Variants in SERPINB7 observed in about 807,000 individuals in gnomAD.
The protein encoded by SERPINB7 is serpin family B member 7.
In SERPINB7, 31 loss-of-function variants were observed where a neutral mutation model predicts 37.4. That is an observed-to-expected ratio of 0.83 (90% CI 0.62 to 1.12). The LOEUF (loss-of-function observed/expected upper bound fraction) is 1.12, where lower values mean the gene tolerates loss of function less well. Among genes scored for constraint, SERPINB7 ranks in the 50% most tolerant of loss-of-function variants. The pLI, the probability that SERPINB7 is intolerant of heterozygous loss-of-function variation, is 0.00. For synonymous variants in SERPINB7, 163 were observed against 166.1 expected, an observed-to-expected ratio of 0.98 and a Z score of 0.14; for missense variants, 521 against 455.3, an observed-to-expected ratio of 1.14 and a Z score of -1.31.
intron 3 of SERPINB7, 102 bp from the exon 4 acceptor site, chr18:63,793,059 T>G: frequency 1.9e-6 from 1 of 521,434 alleles, no homozygotes; most frequent in Non-Finnish European, 3.3e-6. Flanking sequence ...TTTAAAAAAA[T>G]TCTTTTATGG....
At chr18:63,773,084 C>T (rs115324337), upstream of SERPINB7, among the ~76,000 whole-genome samples, 155 of 152,094 alleles carry the variant, frequency 1.0e-3, no homozygotes, top group African/African-American at 3.5e-3. Context: ...GTGTCCTGCC[C>T]ACAGTAAAAC....
chr18:63,804,817 C>A lies in SERPINB7; in HGVS notation c.*182C>A. On this transcript the variant is annotated 3_prime_UTR_variant, in exon 8 of 8. Coordinates refer to ENST00000398019, the MANE Select transcript of SERPINB7 (RefSeq NM_003784.4). ...AGACACCTGGTTGATTGTCCTGATC[C>A]CTGCTCTTAGCATTCTACCACCATG... is the stretch of plus-strand genomic sequence containing the variant. The A allele has an allele frequency of 1.7e-6, 1 of 593,932 alleles. No homozygotes were observed. Among genetic ancestry groups the A allele is most frequent in the Non-Finnish European group, 2.9e-6 (1 of 343,122 alleles). 36.8% of individuals were successfully genotyped at this position (593,932 alleles called of 1,614,324 possible).
At chr18:63,794,228 C>T (rs2049461388) in intron 4 of SERPINB7, among the ~76,000 whole-genome samples, 1 of 149,508 alleles carries the variant, frequency 6.7e-6, no homozygotes, top group South Asian at 2.1e-4. Flanking sequence ...GCCCAAAGTG[C>T]TGGGATTACA....
intron 1 of SERPINB7, among the ~76,000 whole-genome samples, chr18:63,780,429 C>T (rs1179317629): frequency 6.6e-6 from 1 of 152,060 alleles, no homozygotes; most frequent in East Asian, 1.9e-4. Context: ...AATTGAATCC[C>T]TTAAACATTT....
At chr18:63,786,768 T>A (rs1050514637) in intron 2 of SERPINB7, among the ~76,000 whole-genome samples, 2 of 152,062 alleles carry the variant, frequency 1.3e-5, no homozygotes, top group African/African-American at 4.8e-5. Flanking sequence ...TGAGGGAACA[T>A]GAAAGTATAG....
At chr18:63,755,220 G>A (rs2049115255) in intron 1 of SERPINB7, among the ~76,000 whole-genome samples, 1 of 151,400 alleles carries the variant, frequency 6.6e-6, no homozygotes, top group South Asian at 2.1e-4. Context: ...GAGGTCTTAA[G>A]TTGAGGTGGT....
rs778546528 is a variant in SERPINB7 at position 63,800,894 on chromosome 18, A to G, written c.626A>G (p.His209Arg). Residue 209 changes from histidine (H) to arginine (R), a missense_variant, in exon 7 of 8, where the codon CAT (histidine) becomes CGT (arginine). By Grantham distance (29) the His-to-Arg change is conservative (BLOSUM62 0). Coordinates refer to ENST00000398019, the MANE Select transcript of SERPINB7 (RefSeq NM_003784.4). ...TCTGGGAAGGCAGTCGCCATGATGC[A>G]TCAGGAACGGAAGTTCAATTTGTCT... Reference protein sequence around the residue: ...KCSGKAVAMMHQERKFNLSVI... With the variant: ...KCSGKAVAMMRQERKFNLSVI... 7 of 1,613,832 alleles carry G rather than the reference A, an allele frequency of 4.3e-6. No individual in the cohort carries two copies. The highest frequency in any genetic ancestry group is 5.9e-6 in the Non-Finnish European group (7 of 1,179,880).
chr18:63,771,936 C>T (rs748300677), upstream of SERPINB7, among the ~76,000 whole-genome samples: 1 of 151,222 alleles, frequency 6.6e-6, no homozygotes, highest in Non-Finnish European at 1.5e-5. Flanking sequence ...ATCATAGGCA[C>T]CCTAGGATCT....
rs1200340375 is a variant in SERPINB7, at chr18:63,783,186, AAGAGAGAGAGAGAGAG to A, written c.168+680_168+695del. Among the ~76,000 whole-genome samples, 132 of 75,306 alleles carry A rather than the reference AAGAGAGAGAGAGAGAG, an allele frequency of 1.8e-3. 3 individuals carry two copies. The highest frequency in any genetic ancestry group is 6.4e-3 in the South Asian group (13 of 2,036). The allele number at this position is 75,306 out of a possible 152,430, so 49.4% of individuals were successfully genotyped here. A position where few individuals can be genotyped will look rare whatever the true frequency, so the allele number is the denominator to read the frequency against. On this transcript the variant is annotated intron_variant, in intron 2 of 7. Transcript: ENST00000398019. ...CAAAAAGAAAATAAAGAAAGAAAGA[AAGAGAGAGAGAGAGAG>A]AGAGAGAGAGAGAGAGAGAGAGAGA...
At chr18:63,784,339 T>C (rs1344807610) in intron 2 of SERPINB7, among the ~76,000 whole-genome samples, 1 of 152,194 alleles carries the variant, frequency 6.6e-6, no homozygotes, top group Non-Finnish European at 1.5e-5. Flanking sequence ...CATCAACAAC[T>C]ACCCGCAGCA....
chr18:63,799,658 CCTGT>C (rs1240286894), intron 6 of SERPINB7, among the ~76,000 whole-genome samples: 1 of 152,138 alleles, frequency 6.6e-6, no homozygotes, highest in Non-Finnish European at 1.5e-5. Flanking sequence ...AGTGAGACAT[CCTGT>C]CTATCACATC....
rs544779317 is a variant in SERPINB7, at chr18:63,765,023, A to G, written c.-19+11903A>G. ...ATTATCAACAGAAATTTAAAAGACC[A>G]TAAACAAATTGCAGAATTTGTTTAT... is the stretch of plus-strand genomic sequence containing the variant. On this transcript the variant is annotated intron_variant, in intron 1 of 7. Transcript: ENST00000336429. Among the ~76,000 whole-genome samples, 597 of 152,298 alleles carry G rather than the reference A, an allele frequency of 3.9e-3. 3 individuals carry two copies. The highest frequency in any genetic ancestry group is 0.014 in the African/African-American group (571 of 41,570).
At chr18:63,802,814 A>G (rs924454827) in intron 7 of SERPINB7, among the ~76,000 whole-genome samples, 2 of 152,248 alleles carry the variant, frequency 1.3e-5, no homozygotes, top group Non-Finnish European at 2.9e-5. Flanking sequence ...CTTTCTGCAT[A>G]GACAAAGATT....
At chr18:63,793,882 ATAC>A (rs2049456013) in intron 4 of SERPINB7, among the ~76,000 whole-genome samples, 1 of 152,058 alleles carries the variant, frequency 6.6e-6, no homozygotes, top group African/African-American at 2.4e-5. Flanking sequence ...TCAACATGAC[ATAC>A]TAGTTGGACT....
intron 2 of SERPINB7, among the ~76,000 whole-genome samples, chr18:63,787,376 G>T (rs909146472): frequency 2.6e-5 from 4 of 152,006 alleles, no homozygotes; most frequent in South Asian, 4.2e-4. Flanking sequence ...ATTCAATTAG[G>T]AATATCAGAA....
At chr18:63,764,920 A>C (rs901864867) in intron 1 of SERPINB7, among the ~76,000 whole-genome samples, 14 of 152,204 alleles carry the variant, frequency 9.2e-5, no homozygotes, top group African/African-American at 2.4e-5. Flanking sequence ...AGAGTAGGAA[A>C]GGAGTTTCTA....
In SERPINB7 at chr18:63,800,960, A is replaced by T; in HGVS notation, c.692A>T (p.Tyr231Phe). Residue 231 changes from tyrosine (Y) to phenylalanine (F), a missense_variant, in exon 7 of 8, where the codon TAC becomes TTC. Coordinates refer to ENST00000398019, the MANE Select transcript of SERPINB7 (RefSeq NM_003784.4). The part of the protein sequence containing the change: ...DPSMKILELR[Y>F]NGGINMYVLL... The stretch of plus-strand genomic sequence containing the variant: ...TCAATGAAGATTCTTGAGCTCAGAT[A>T]CAATGGTGGCATAAACATGTACGTT... 6.2e-7 allele frequency: 1 copy of T among 1,614,010 alleles called. No homozygotes were observed. Among genetic ancestry groups the T allele is most frequent in the Non-Finnish European group, 8.5e-7 (1 of 1,179,876 alleles).
upstream of SERPINB7, among the ~76,000 whole-genome samples, chr18:63,771,068 G>A (rs1035215616): frequency 6.6e-6 from 1 of 152,008 alleles, no homozygotes; most frequent in African/African-American, 2.4e-5. Flanking sequence ...AGGTCACATG[G>A]CACTGGGTGC....
intron 2 of SERPINB7, among the ~76,000 whole-genome samples, chr18:63,784,538 A>T (rs1483610827): frequency 6.6e-6 from 1 of 152,234 alleles, no homozygotes; most frequent in Admixed American, 6.5e-5. Flanking sequence ...AAAGCCCTTG[A>T]AAAACATTCA....
Sources: allele counts gnomAD v4.1 joint callset (sites outside exome capture counted in the v4.1 genomes callset), GRCh38; gene constraint gnomAD v4.1.1; transcripts MANE v1.5; gene names NCBI Gene and HGNC (gene_info 2026-07-23, HGNC 2026-07-21).